The following MAP2K5 variants were observed in gnomAD, a reference collection of about 807,000 sequenced individuals.
The protein encoded by MAP2K5 is dual specificity mitogen-activated protein kinase kinase 5.
A neutral mutation model predicts 83.1 loss-of-function variants in MAP2K5; 49 were observed. The observed-to-expected ratio is 0.59, with a 90% confidence interval of 0.47 to 0.75. MAP2K5 has a LOEUF of 0.75. MAP2K5 is among the 30% of genes least tolerant of loss of function. MAP2K5 has a pLI of 0.00. For synonymous variants in MAP2K5, 202 were observed against 191.8 expected, an observed-to-expected ratio of 1.05 and a Z score of -0.44; for missense variants, 457 against 557.5, an observed-to-expected ratio of 0.82 and a Z score of 1.82.
At chr15:67,567,964 A>T (rs2084874476) in intron 3 of MAP2K5, among the ~76,000 whole-genome samples, 1 of 152,162 alleles carries the variant, frequency 6.6e-6, no homozygotes, top group Non-Finnish European at 1.5e-5. Flanking sequence ...TCATTAAGAA[A>T]TTCAGCCAAT....
At position 67,542,812 on chromosome 15, in the gene MAP2K5, G is replaced by A. The variant is rs900746202; in HGVS notation, c.-524G>A. On this transcript the variant is annotated 5_prime_UTR_variant, in exon 1 of 22. Coordinates refer to ENST00000178640, the MANE Select transcript of MAP2K5 (RefSeq NM_145160.3). ...TCAGCCTGCGCGCGCCGCGCCCTGT[G>A]TCTCCGGGTGGGGCAGAAGACTCGC... 1 of 153,744 alleles carries A rather than the reference G, an allele frequency of 6.5e-6. No individual in the cohort carries two copies. The highest frequency in any genetic ancestry group is 1.5e-5 in the Non-Finnish European group (1 of 68,798). 9.5% of individuals were successfully genotyped at this position (153,744 alleles called of 1,614,324 possible).
In MAP2K5 at chr15:67,747,391, A is replaced by G. The variant is rs2089627418; in HGVS notation, c.1075-840A>G. Among the ~76,000 whole-genome samples, 2 of 152,112 alleles carry G rather than the reference A, an allele frequency of 1.3e-5. No individual in the cohort carries two copies. The highest frequency in any genetic ancestry group is 6.6e-5 in the Admixed American group (1 of 15,264). Reference sequence around the variant, plus strand: ...TAGAAAATGTAGTACCTGGAGTTTCATTTTCATTGAGTTTATAATAACTGT... The same window carrying G: ...TAGAAAATGTAGTACCTGGAGTTTCGTTTTCATTGAGTTTATAATAACTGT... On this transcript the variant is annotated intron_variant, in intron 17 of 21. Transcript: ENST00000178640. The surrounding 1 kb of genome is among the most constrained non-coding windows in gnomAD (Gnocchi z 4.1).
chr15:67,544,878 T>C (rs993038871), intron 1 of MAP2K5, among the ~76,000 whole-genome samples: 6 of 152,200 alleles, frequency 3.9e-5, no homozygotes, highest in Non-Finnish European at 8.8e-5. Flanking sequence ...GAGCTTTCCA[T>C]ATTGTGCATC....
intron 9 of MAP2K5, among the ~76,000 whole-genome samples, chr15:67,639,943 A>G (rs1176261559): frequency 2.0e-5 from 3 of 152,202 alleles, no homozygotes; most frequent in Non-Finnish European, 4.4e-5. Context: ...GCCCTGTCAC[A>G]TATGGTCTAT....
chr15:67,763,396 C>A (rs1305726553), intron 19 of MAP2K5, among the ~76,000 whole-genome samples: 1 of 152,146 alleles, frequency 6.6e-6, no homozygotes, highest in East Asian at 1.9e-4. Context: ...CATTCTCGGA[C>A]CAGGAGCACC....
intron 8 of MAP2K5, chr15:67,628,973 C>T (rs1596680452): frequency 1.3e-6 from 1 of 763,104 alleles, no homozygotes; most frequent in South Asian, 1.3e-5. Context: ...GCAATTTCAA[C>T]AATCAGTCTT....
rs2089400813 is a variant in MAP2K5, at chr15:67,738,698, T to G, written c.1075-9533T>G. 6.6e-6 allele frequency among the ~76,000 whole-genome samples: 1 copy of G among 152,224 alleles called. No individual in the cohort carries two copies. The highest frequency in any genetic ancestry group is 1.5e-5 in the Non-Finnish European group (1 of 68,034). ...ATGGGGATCCACCCACATACACATGTACACACAACCACACGAGCAGCTCTG... is the reference window on the plus strand; with the variant it reads ...ATGGGGATCCACCCACATACACATGGACACACAACCACACGAGCAGCTCTG... On this transcript the variant is annotated intron_variant, in intron 17 of 21. Transcript: ENST00000178640. This position sits in a 1 kb window ranked among gnomAD's most constrained non-coding sequence, Gnocchi z 4.1.
chr15:67,547,438 CTTCGGTT>C (rs1415587937), intron 1 of MAP2K5, among the ~76,000 whole-genome samples: 2 of 148,410 alleles, frequency 1.3e-5, no homozygotes, highest in African/African-American at 5.0e-5. Context: ...AATATGTAAA[CTTCGGTT>C]TTCTTTTTTC....
At chr15:67,546,715 C>A in intron 1 of MAP2K5, 2 of 545,864 alleles carry the variant, frequency 3.7e-6, no homozygotes, top group Non-Finnish European at 4.7e-6. Context: ...ATGCCCAACC[C>A]TCTCCCCTCT....
intron 17 of MAP2K5, among the ~76,000 whole-genome samples, chr15:67,729,004 G>A (rs1043923835): frequency 1.1e-4 from 17 of 152,142 alleles, no homozygotes; most frequent in African/African-American, 3.9e-4. Flanking sequence ...AAGAGAAATC[G>A]TCCAAGTTGT....
At chr15:67,581,872 G>A (rs940375109) in intron 4 of MAP2K5, among the ~76,000 whole-genome samples, 1 of 152,098 alleles carries the variant, frequency 6.6e-6, no homozygotes, top group South Asian at 2.1e-4. Flanking sequence ...GGAGTGCTTA[G>A]TATATTACTA....
intron 16 of MAP2K5, among the ~76,000 whole-genome samples, chr15:67,712,453 G>A (rs2088713999): frequency 6.6e-6 from 1 of 152,170 alleles, no homozygotes; most frequent in Admixed American, 6.5e-5. Context: ...CAACTAAAAA[G>A]AAAAGCAATT....
rs78510739 is a variant in MAP2K5, at chr15:67,642,426, G to A, written c.586-3805G>A. ...AGGCTTCTGTTTTTAGGAGATGAGG[G>A]ATGCATGCTCAAGGCAGAATGTACA... On this transcript the variant is annotated intron_variant, in intron 9 of 21. Transcript: ENST00000178640. 1.6e-5 allele frequency: 26 copies of A among 1,610,188 alleles called. No individual in the cohort carries two copies. In the East Asian group the frequency reaches 5.6e-4, roughly 35 times the overall value.
At position 67,592,906 on chromosome 15, in the gene MAP2K5, A is replaced by C. The variant is rs909422000; in HGVS notation, c.432-20A>C. The C allele has an allele frequency of 1.9e-6, 3 of 1,595,560 alleles. No homozygotes were observed. The African/African-American group carries it at 4.0e-5, about 21-fold the overall frequency. ...GAGGTGTTGATGATCTTGCCACTAA[A>C]AATTATCTTTCCTTTTCAGCTTAAA... On this transcript the variant is annotated intron_variant, in intron 6 of 21. Transcript: ENST00000178640.
In MAP2K5 at chr15:67,565,479, C is replaced by T. The variant is rs974221244; in HGVS notation, c.252+2129C>T. On this transcript the variant is annotated intron_variant, in intron 3 of 21. Coordinates refer to ENST00000178640, the MANE Select transcript of MAP2K5 (RefSeq NM_145160.3). The surrounding 1 kb of genome is among the most constrained non-coding windows in gnomAD (Gnocchi z 4.1). ...TCCTGACCCCGTGATCCACCCGCCT[C>T]GGCCTCCCAAAGTGCTGGGATTACA... Among the ~76,000 whole-genome samples, 3 of 152,186 alleles carry T rather than the reference C, an allele frequency of 2.0e-5. No individual in the cohort carries two copies. The highest frequency in any genetic ancestry group is 7.2e-5 in the African/African-American group (3 of 41,452).
chr15:67,678,735 G>A (rs548244299), intron 13 of MAP2K5, among the ~76,000 whole-genome samples: 31 of 152,304 alleles, frequency 2.0e-4, no homozygotes, highest in African/African-American at 7.2e-4. Flanking sequence ...GGAAGCCGAG[G>A]CGGTAGGATC....
At chr15:67,745,980 G>A (rs556365900) in intron 17 of MAP2K5, among the ~76,000 whole-genome samples, 8 of 152,144 alleles carry the variant, frequency 5.3e-5, no homozygotes, top group African/African-American at 1.7e-4. Flanking sequence ...ACCTGATAAC[G>A]TCTCTCTTTA....
Position 67,719,523 on chromosome 15 carries a change from A to T in MAP2K5, c.1045-8393A>T, listed in dbSNP as rs980560641. Among the ~76,000 whole-genome samples the T allele has an allele frequency of 2.6e-5, 4 of 152,234 alleles. No homozygotes were observed. The highest frequency in any genetic ancestry group is 4.4e-5 in the Non-Finnish European group (3 of 68,036). ...TTTATAAGGCACTAGAAACACAGGAAGATGTAGAACACTGGGAACTGTCAC... is the reference window on the plus strand; with the variant it reads ...TTTATAAGGCACTAGAAACACAGGATGATGTAGAACACTGGGAACTGTCAC... On this transcript the variant is annotated intron_variant, in intron 16 of 21. Coordinates refer to ENST00000178640, the MANE Select transcript of MAP2K5 (RefSeq NM_145160.3). This position sits in a 1 kb window ranked among gnomAD's most constrained non-coding sequence, Gnocchi z 4.6.
In MAP2K5 at chr15:67,546,616, C is replaced by T. The variant is rs1041529306; in HGVS notation, c.135+3146C>T. The T allele has an allele frequency of 3.9e-5, 38 of 985,562 alleles. No individual in the cohort carries two copies. The African/African-American group carries it at 6.3e-4, about 16-fold the overall frequency. 61.1% of individuals were successfully genotyped at this position (985,562 alleles called of 1,614,324 possible). A position where few individuals can be genotyped will look rare whatever the true frequency, so the allele number is the denominator to read the frequency against. On this transcript the variant is annotated intron_variant, in intron 1 of 21. Transcript: ENST00000178640. ...GACATTTGGGTCTTCTGTTTTGCAG[C>T]TTTCTGTGTTTCTCTTTTTCCCTGG...
Sources: allele counts gnomAD v4.1 joint callset (sites outside exome capture counted in the v4.1 genomes callset), GRCh38; gene constraint gnomAD v4.1.1; non-coding constraint Gnocchi (gnomAD v3.1); transcripts MANE v1.5; gene names NCBI Gene and HGNC (gene_info 2026-07-23, HGNC 2026-07-21).